CARMIL1: variants seen among roughly 807,000 people sequenced by gnomAD.
CARMIL1 encodes F-actin-uncapping protein LRRC16A.
CARMIL1 carries 90 observed loss-of-function variants against 177.1 expected under a neutral mutation model. The observed-to-expected ratio is 0.51, with a 90% CI of 0.43 to 0.61. The LOEUF is 0.61. Among genes scored for constraint, CARMIL1 ranks in the 20% least tolerant of loss-of-function variants. The pLI is 0.00. For missense variants in CARMIL1, 1,380 were observed against 1,667.0 expected, an observed-to-expected ratio of 0.83 and a Z score of 3.00; for synonymous variants, 577 against 606.2, an observed-to-expected ratio of 0.95 and a Z score of 0.71.
chr6:25,291,985 C>T (rs6923529), intron 2 of CARMIL1, among the ~76,000 whole-genome samples: 24,057 of 152,184 alleles, frequency 0.16, 2,611 homozygotes, highest in East Asian at 0.39. Flanking sequence ...CAGTGTACCT[C>T]GTAGTTGTTC....
At chr6:25,286,881 GT>G (rs1263048607) in intron 2 of CARMIL1, among the ~76,000 whole-genome samples, 2 of 152,120 alleles carry the variant, frequency 1.3e-5, no homozygotes, top group Non-Finnish European at 2.9e-5. Flanking sequence ...TTAATTGTAA[GT>G]TTTTTTGGCC....
chr6:25,410,123 T>C (rs1010305592), intron 2 of CARMIL1, among the ~76,000 whole-genome samples: 1 of 116,960 alleles, frequency 8.5e-6, no homozygotes, highest in African/African-American at 3.3e-5. Context: ...TTCTGCAAAG[T>C]GGGAAACTAT....
intron 2 of CARMIL1, among the ~76,000 whole-genome samples, chr6:25,411,940 C>T (rs949475632): frequency 6.6e-5 from 10 of 152,138 alleles, no homozygotes; most frequent in African/African-American, 2.4e-4. Flanking sequence ...CAGAGAGAGT[C>T]TAAGTCATGG....
intron 13 of CARMIL1, among the ~76,000 whole-genome samples, chr6:25,490,072 G>T (rs1472592346): frequency 6.6e-6 from 1 of 152,182 alleles, no homozygotes; most frequent in Non-Finnish European, 1.5e-5. Context: ...GGAGTGGAAC[G>T]ATGAGACCTG....
intron 36 of CARMIL1, among the ~76,000 whole-genome samples, chr6:25,618,481 A>G (rs1332761531): frequency 6.6e-6 from 1 of 152,218 alleles, no homozygotes; most frequent in African/African-American, 2.4e-5. Context: ...ATAGTATTTA[A>G]TAATCCTTAA....
intron 2 of CARMIL1, among the ~76,000 whole-genome samples, chr6:25,380,005 C>CTTTTTTTTTTTTTTTTTTTTTTTTTT (rs1178613969): frequency 6.6e-6 from 1 of 151,982 alleles, no homozygotes; most frequent in East Asian, 1.9e-4. Context: ...TTATTCTGCT[C>CTTTTTTTTTTTTTTTTTTTTTTTTTT]TTTAAGGACT....
At chr6:25,567,984 C>A (rs529720349) in intron 29 of CARMIL1, among the ~76,000 whole-genome samples, 63 of 152,296 alleles carry the variant, frequency 4.1e-4, no homozygotes, top group African/African-American at 1.5e-3. Flanking sequence ...TTTAAGATTT[C>A]TTCCATCTCT....
chr6:25,508,112 A>G (rs1805102786), intron 17 of CARMIL1, among the ~76,000 whole-genome samples: 1 of 152,166 alleles, frequency 6.6e-6, no homozygotes, highest in African/African-American at 2.4e-5. Flanking sequence ...TTCTGTACTT[A>G]TTCATCTCAA....
intron 2 of CARMIL1, among the ~76,000 whole-genome samples, chr6:25,342,896 T>C (rs1443194714): frequency 6.6e-6 from 1 of 152,228 alleles, no homozygotes; most frequent in Non-Finnish European, 1.5e-5. Flanking sequence ...CGTAGTTTAC[T>C]GGTTACTGTG....
intron 29 of CARMIL1, among the ~76,000 whole-genome samples, chr6:25,578,216 G>C (rs1404156568): frequency 6.6e-6 from 1 of 152,026 alleles, no homozygotes; most frequent in Non-Finnish European, 1.5e-5. Flanking sequence ...GTCAGGGAAA[G>C]GTCAATAAGG....
At chr6:25,376,501 T>C (rs1427326698) in intron 2 of CARMIL1, among the ~76,000 whole-genome samples, 2 of 152,230 alleles carry the variant, frequency 1.3e-5, no homozygotes, top group Admixed American at 6.5e-5. Context: ...TATCGTTTAT[T>C]GTAGGCTAAT....
At chr6:25,292,569 G>A (rs1174692936) in intron 2 of CARMIL1, among the ~76,000 whole-genome samples, 2 of 152,174 alleles carry the variant, frequency 1.3e-5, no homozygotes, top group East Asian at 3.9e-4. Context: ...TGGCTGACTT[G>A]AACTTGTTAC....
chr6:25,346,916 TG>T (rs1204697003), intron 2 of CARMIL1, among the ~76,000 whole-genome samples: 1 of 152,236 alleles, frequency 6.6e-6, no homozygotes, highest in African/African-American at 2.4e-5. Context: ...CAGCTTTTCA[TG>T]CTGCTTTAAG....
intron 19 of CARMIL1, 25 bp from the exon 20 acceptor site, chr6:25,510,683 G>T: frequency 6.5e-7 from 1 of 1,528,220 alleles, no homozygotes; most frequent in Non-Finnish European, 8.9e-7. Context: ...TGATTCCACT[G>T]TCCACATCTC....
chr6:25,283,035 G>T (rs919614755), intron 1 of CARMIL1, among the ~76,000 whole-genome samples: 1 of 152,210 alleles, frequency 6.6e-6, no homozygotes, highest in Non-Finnish European at 1.5e-5. Context: ...GGAGGGGACT[G>T]TATTTTGGAG....
chr6:25,455,610 A>G (rs550318757), intron 8 of CARMIL1, among the ~76,000 whole-genome samples: 2 of 152,346 alleles, frequency 1.3e-5, no homozygotes, highest in Non-Finnish European at 2.9e-5. Flanking sequence ...GTTGGCAGTT[A>G]TAGCTTTAAT....
At chr6:25,439,952 C>T (rs756792418) in intron 5 of CARMIL1, among the ~76,000 whole-genome samples, 8 of 152,114 alleles carry the variant, frequency 5.3e-5, no homozygotes, top group Non-Finnish European at 1.2e-4. Context: ...CAGCAATATC[C>T]TTGAGAAAGT....
rs1005341797 is a variant in CARMIL1 at position 25,577,274 on chromosome 6, T to C, written c.2743-3650T>C. 1.3e-5 allele frequency among the ~76,000 whole-genome samples: 2 copies of C among 152,160 alleles called. No homozygotes were observed. The highest frequency in any genetic ancestry group is 4.8e-5 in the African/African-American group (2 of 41,438). Reference sequence around the variant, plus strand: ...ATACAAACATTCAAGAGGAGACAAGTGCTTATTCCACTCATGTAATAATAA... The same window carrying C: ...ATACAAACATTCAAGAGGAGACAAGCGCTTATTCCACTCATGTAATAATAA... On this transcript the variant is annotated intron_variant, in intron 29 of 36. Transcript: ENST00000329474. The surrounding 1 kb of genome is among the most constrained non-coding windows in gnomAD (Gnocchi z 4.5).
intron 2 of CARMIL1, among the ~76,000 whole-genome samples, chr6:25,309,232 G>T (rs1783554522): frequency 6.6e-6 from 1 of 151,874 alleles, no homozygotes; most frequent in South Asian, 2.1e-4. Context: ...CAGGCTGGGT[G>T]TGGTGGCTCA....
Sources: allele counts gnomAD v4.1 joint callset (sites outside exome capture counted in the v4.1 genomes callset), GRCh38; gene constraint gnomAD v4.1.1; non-coding constraint Gnocchi (gnomAD v3.1); transcripts MANE v1.5; gene names NCBI Gene and HGNC (gene_info 2026-07-23, HGNC 2026-07-21).